COLEC10: variants seen among roughly 807,000 people sequenced by gnomAD.
The protein encoded by COLEC10 is collectin subfamily member 10.
COLEC10 carries 22 observed loss-of-function variants against 28.4 expected under a neutral mutation model. That is an observed-to-expected ratio of 0.78 (90% CI 0.55 to 1.11). The LOEUF (loss-of-function observed/expected upper bound fraction) is 1.11. Among genes scored for constraint, COLEC10 ranks in the 50% least tolerant of loss-of-function variants. The pLI is 0.00. For missense variants in COLEC10, 361 were observed against 344.1 expected, an observed-to-expected ratio of 1.05 and a Z score of -0.39; for synonymous variants, 125 against 116.1, an observed-to-expected ratio of 1.08 and a Z score of -0.49.
At chr8:119,057,844 C>T (rs965593098) in intron 2 of COLEC10, among the ~76,000 whole-genome samples, 2 of 151,942 alleles carry the variant, frequency 1.3e-5, no homozygotes, top group African/African-American at 4.8e-5. Flanking sequence ...AAGAACTTGC[C>T]TCCAGCTCCA....
intron 1 of COLEC10, among the ~76,000 whole-genome samples, chr8:119,086,507 C>G (rs948281160): frequency 2.0e-5 from 3 of 152,108 alleles, no homozygotes; most frequent in African/African-American, 4.8e-5. Context: ...AAGTTGTTTA[C>G]TTCATCTGTG....
chr8:118,978,517 T>C, the COLEC10 span, among the ~76,000 whole-genome samples: 1 of 151,558 alleles, frequency 6.6e-6, no homozygotes, highest in African/African-American at 2.4e-5. Context: ...AAAAGCTGCT[T>C]TTTTTTTCCT....
chr8:119,032,137 G>A (rs997662473), intron 2 of COLEC10, among the ~76,000 whole-genome samples: 13 of 152,152 alleles, frequency 8.5e-5, no homozygotes, highest in African/African-American at 2.9e-4. Context: ...ACAGAGTATT[G>A]GAAATCCGTG....
chr8:118,992,361 A>C (rs1813517628), upstream of COLEC10, among the ~76,000 whole-genome samples: 1 of 152,164 alleles, frequency 6.6e-6, no homozygotes. Context: ...GAATCAGTTT[A>C]AACAACTCCA....
chr8:119,070,644 G>A (rs541206300), intron 1 of COLEC10, among the ~76,000 whole-genome samples: 2 of 144,214 alleles, frequency 1.4e-5, no homozygotes, highest in African/African-American at 5.2e-5. Context: ...CATCTTGGTG[G>A]TTTCTTTAAA....
At chr8:119,064,701 G>A (rs1437851916), upstream of COLEC10, among the ~76,000 whole-genome samples, 5 of 152,122 alleles carry the variant, frequency 3.3e-5, no homozygotes, top group African/African-American at 9.7e-5. Context: ...TTAAGTGTTT[G>A]TGAAAAATTA....
chr8:119,027,461 T>A (rs536821734), intron 2 of COLEC10, among the ~76,000 whole-genome samples: 2 of 152,304 alleles, frequency 1.3e-5, no homozygotes, highest in African/African-American at 4.8e-5. Flanking sequence ...TTCCAAATAA[T>A]CCTTTGTAAA....
chr8:119,068,258 C>T (rs1164312272), intron 1 of COLEC10: 1 of 152,090 alleles, frequency 6.6e-6, no homozygotes, highest in Non-Finnish European at 1.5e-5. Flanking sequence ...AAACAAAATT[C>T]AGAAATACAT....
chr8:118,963,448 G>A, the COLEC10 span, among the ~76,000 whole-genome samples: 1 of 152,114 alleles, frequency 6.6e-6, no homozygotes, highest in Non-Finnish European at 1.5e-5. Context: ...CCTAATTCCA[G>A]CTTCATTCAA....
At position 119,067,421 on chromosome 8, in the gene COLEC10, G is replaced by C; in HGVS notation, c.140G>C (p.Gly47Ala). The change falls in exon 1 of 6, where the codon GGA becomes GCA. Residue 47 changes from glycine (G) to alanine (A), a missense_variant. By Grantham distance (60) the Gly-to-Ala change is moderately conservative. Around this residue, in one of 3 missense-constraint regions of COLEC10, gnomAD observed 335 missense variants for 308.5 expected, o/e 1.09. Transcript: ENST00000332843. ...TGTGCCACACACACAATTTCACCAG[G>C]ACCCAAAGGTGAGGAAAGAAAACCA... is the stretch of plus-strand genomic sequence containing the variant. ...EVCATHTISP[G>A]PKGDDGEKGD... 2 of 1,613,036 alleles carry C rather than the reference G, an allele frequency of 1.2e-6. No individual in the cohort carries two copies. Among genetic ancestry groups the C allele is most frequent in the South Asian group, 1.1e-5 (1 of 90,760 alleles).
intron 1 of COLEC10, among the ~76,000 whole-genome samples, chr8:119,001,014 A>G (rs1198267394): frequency 6.6e-6 from 1 of 152,198 alleles, no homozygotes; most frequent in Admixed American, 6.5e-5. Context: ...TGGTCTGGAC[A>G]TTACTGGGAC....
chr8:118,954,533 T>A, the COLEC10 span, among the ~76,000 whole-genome samples: 2 of 152,236 alleles, frequency 1.3e-5, no homozygotes, highest in Non-Finnish European at 2.9e-5. Context: ...ACTACATTCA[T>A]CTTCCTGTGA....
chr8:119,005,730 C>G (rs1426750497), intron 1 of COLEC10, among the ~76,000 whole-genome samples: 1 of 152,066 alleles, frequency 6.6e-6, no homozygotes, highest in Admixed American at 6.6e-5. Flanking sequence ...ACTCATAGAT[C>G]AGAAAGGGCT....
chr8:118,960,418 G>T, the COLEC10 span, among the ~76,000 whole-genome samples: 1 of 152,014 alleles, frequency 6.6e-6, no homozygotes, highest in Non-Finnish European at 1.5e-5. Context: ...ATTTCACTTT[G>T]TCCTGATAGC....
intron 1 of COLEC10, among the ~76,000 whole-genome samples, chr8:119,081,796 T>C (rs967405401): frequency 1.3e-5 from 2 of 152,218 alleles, no homozygotes; most frequent in African/African-American, 4.8e-5. Context: ...TGAAGTGGCC[T>C]ATAAACACAG....
chr8:119,047,787 C>CAA (rs3082635), intron 2 of COLEC10, among the ~76,000 whole-genome samples: 92,556 of 151,626 alleles, frequency 0.61, 30,035 homozygotes, highest in African/African-American at 0.85. Context: ...AGGCTTATCT[C>CAA]AGTTGTTAGA....
chr8:119,059,454 G>C (rs964241754), intron 2 of COLEC10, among the ~76,000 whole-genome samples: 2 of 151,798 alleles, frequency 1.3e-5, no homozygotes, highest in African/African-American at 4.8e-5. Flanking sequence ...ATCATTTGTT[G>C]AAAAGACCCC....
chr8:119,091,236 C>T lies in COLEC10; in HGVS notation c.292+16C>T, dbSNP rs764287084. The T allele has an allele frequency of 6.2e-7, 1 of 1,601,668 alleles. No homozygotes were observed. The highest frequency in any genetic ancestry group is 8.5e-7 in the Non-Finnish European group (1 of 1,169,868). On this transcript the variant is annotated intron_variant, in intron 3 of 5. Coordinates refer to ENST00000332843, the MANE Select transcript of COLEC10 (RefSeq NM_006438.5). ...GGGAAGAAGGGTAAGTTGCATCTTA[C>T]TATTCTCCAGTAGCAATTCAAAGCA...
At chr8:118,987,335 G>A in the COLEC10 span, among the ~76,000 whole-genome samples, 1 of 152,132 alleles carries the variant, frequency 6.6e-6, no homozygotes, top group East Asian at 1.9e-4. Context: ...AGGCTGAGGT[G>A]GGCAGATCAC....
Sources: allele counts gnomAD v4.1 joint callset (sites outside exome capture counted in the v4.1 genomes callset), GRCh38; gene constraint gnomAD v4.1.1; regional missense constraint gnomAD v4.1.1; transcripts MANE v1.5; gene names NCBI Gene and HGNC (gene_info 2026-07-23, HGNC 2026-07-21).